The following F2 variants were observed in gnomAD, a reference collection of about 807,000 sequenced individuals.
F2 encodes prothrombin.
A neutral mutation model predicts 81.9 loss-of-function variants in F2; 34 were observed. The ratio of observed to expected loss-of-function variants is 0.42; its 90% CI spans 0.32 to 0.55. The LOEUF is 0.55. F2 is among the 20% of genes least tolerant of loss of function. The pLI is 0.18. For missense variants in F2, 630 were observed against 833.4 expected (o/e 0.76, Z 3.00); for synonymous variants, 296 against 326.4 (o/e 0.91, Z 1.01).
At chr11:46,736,413 A>G (rs949120785) in intron 12 of F2, among the ~76,000 whole-genome samples, 5 of 152,072 alleles carry the variant, frequency 3.3e-5, no homozygotes, top group Admixed American at 6.6e-5. Context: ...GTGAGCCACC[A>G]TACCTGACCT....
rs909904487 is a variant in F2 at position 46,727,873 on chromosome 11, ATCTGGGCCCCG to A, written c.1131-122_1131-112del. 36 of 1,152,612 alleles carry A rather than the reference ATCTGGGCCCCG, an allele frequency of 3.1e-5. No homozygotes were observed. The African/African-American group carries it at 5.4e-4, about 17-fold the overall frequency. 71.4% of individuals were successfully genotyped at this position (1,152,612 alleles called of 1,614,324 possible). ...CCAAAGGCGGCCAGCCCAAGCTTGG[ATCTGGGCCCCG>A]GAGGCAGCTCTGCCCAGCTGGGTTC... On this transcript the variant is annotated intron_variant, in intron 9 of 13. Coordinates refer to ENST00000311907, the MANE Select transcript of F2 (RefSeq NM_000506.5).
At position 46,727,071 on chromosome 11, in the gene F2, C is replaced by T. The variant is rs532750574; in HGVS notation, c.1130+234C>T. Among the ~76,000 whole-genome samples the T allele has an allele frequency of 1.4e-4, 21 of 152,310 alleles. No individual in the cohort carries two copies. The South Asian group carries it at 3.7e-3, about 27-fold the overall frequency. On this transcript the variant is annotated intron_variant, in intron 9 of 13. Transcript: ENST00000311907. ...AGGCTGGAGTGCAGTGCTGCAATCT[C>T]GGCTCACTACCTCGATCTCAGCTCA...
At chr11:46,732,549 C>A (rs1457239919) in intron 12 of F2, among the ~76,000 whole-genome samples, 1 of 151,946 alleles carries the variant, frequency 6.6e-6, no homozygotes, top group Non-Finnish European at 1.5e-5. Context: ...AGGCATGTGC[C>A]ACCACGCCTG....
chr11:46,736,356 C>T (rs3136529), intron 12 of F2, among the ~76,000 whole-genome samples: 3 of 152,222 alleles, frequency 2.0e-5, no homozygotes, highest in Non-Finnish European at 4.4e-5. Context: ...TGGCTGGGCT[C>T]GAGCAAGTCT....
intron 12 of F2, among the ~76,000 whole-genome samples, chr11:46,731,109 G>T (rs3136481): frequency 0.066 from 10,002 of 152,092 alleles, 386 homozygotes; most frequent in Non-Finnish European, 0.089. Flanking sequence ...TAGAGACAGG[G>T]TTTCACCATG....
In F2 at chr11:46,728,253, G is replaced by T; in HGVS notation, c.1298+90G>T. 1 of 1,374,730 alleles carries T rather than the reference G, an allele frequency of 7.3e-7. No individual in the cohort carries two copies. 85.2% of individuals were successfully genotyped at this position (1,374,730 alleles called of 1,614,324 possible). ...GCCCTGGTGGCTCCGGGACACATAG[G>T]ATGTTCTGTATACCCCCCAGAATAT... is the stretch of plus-strand genomic sequence containing the variant. On this transcript the variant is annotated intron_variant, in intron 10 of 13. Transcript: ENST00000311907. This position sits in a 1 kb window ranked among gnomAD's most constrained non-coding sequence, Gnocchi z 5.1.
Position 46,719,241 on chromosome 11 carries a change from G to T in F2, c.6G>T (p.Ala2=), listed in dbSNP as rs748368751. Residue 2 remains alanine, a synonymous_variant, in exon 1 of 14, where the codon GCG becomes GCT. Transcript: ENST00000311907. This position sits in a 1 kb window ranked among gnomAD's most constrained non-coding sequence, Gnocchi z 4.7. M[A]HVRGLQLPGC... ...GACCCAGGAGCTGACACACTATGGC[G>T]CACGTCCGAGGCTTGCAGCTGCCTG... 6.2e-6 allele frequency: 10 copies of T among 1,613,682 alleles called. No homozygotes were observed. Among genetic ancestry groups the T allele is most frequent in the Non-Finnish European group, 8.5e-6 (10 of 1,180,020 alleles).
At position 46,728,741 on chromosome 11, in the gene F2, T is replaced by A; in HGVS notation, c.1376T>A (p.Leu459Gln). The A allele has an allele frequency of 6.2e-7, 1 of 1,614,232 alleles. No individual in the cohort carries two copies. Residue 459 changes from leucine to glutamine, a missense_variant, in exon 11 of 14, where the codon CTG becomes CAG. Coordinates refer to ENST00000311907, the MANE Select transcript of F2 (RefSeq NM_000506.5). The surrounding 1 kb of genome is among the most constrained non-coding windows in gnomAD (Gnocchi z 5.1). ...CCCAGGTACAACTGGCGGGAGAACC[T>A]GGACCGGGACATTGCCCTGATGAAG... ...IHPRYNWREN[L>Q]DRDIALMKLK...
At chr11:46,733,294 C>T (rs1273007688) in intron 12 of F2, among the ~76,000 whole-genome samples, 6 of 152,192 alleles carry the variant, frequency 3.9e-5, no homozygotes, top group Admixed American at 1.3e-4. Context: ...ACCTCTGCCT[C>T]CTGGACTCAA....
rs1316836231 is a variant in F2 at position 46,728,143 on chromosome 11, T to G, written c.1278T>G (p.Ile426Met). 2 of 1,609,626 alleles carry G rather than the reference T, an allele frequency of 1.2e-6. No individual in the cohort carries two copies. The highest frequency in any genetic ancestry group is 2.2e-5 in the East Asian group (1 of 44,810). The change falls in exon 10 of 14, where the codon ATT becomes ATG. Residue 426 changes from isoleucine to methionine, a missense_variant. Physicochemically the swap from Ile to Met is conservative, Grantham distance 10. Coordinates refer to ENST00000311907, the MANE Select transcript of F2 (RefSeq NM_000506.5). This position sits in a 1 kb window ranked among gnomAD's most constrained non-coding sequence, Gnocchi z 5.1. Reference sequence around the variant, plus strand: ...CCGAGAATGACCTTCTGGTGCGCATTGGCAAGCACTCCCGCACCAGGTACA... The same window carrying G: ...CCGAGAATGACCTTCTGGTGCGCATGGGCAAGCACTCCCGCACCAGGTACA... ...NFTENDLLVR[I>M]GKHSRTRYER...
chr11:46,720,875 T>C (rs769448614), intron 4 of F2, 35 bp downstream of exon 4: 4 of 1,612,404 alleles, frequency 2.5e-6, no homozygotes, highest in South Asian at 1.1e-5. Flanking sequence ...GAGCAGGACA[T>C]GGAGGGGAGC....
chr11:46,726,309 G>A lies in F2; in HGVS notation c.874+136G>A, dbSNP rs1468917253. On this transcript the variant is annotated intron_variant, in intron 7 of 13. Coordinates refer to ENST00000311907, the MANE Select transcript of F2 (RefSeq NM_000506.5). This position sits in a 1 kb window ranked among gnomAD's most constrained non-coding sequence, Gnocchi z 5.9. ...CTTACAGTAACCAGGTGGGGGGTAA[G>A]GTCCTGTGCCCATTTCACAGATAAG... 3.5e-6 allele frequency: 5 copies of A among 1,434,208 alleles called. No homozygotes were observed. Among genetic ancestry groups the A allele is most frequent in the Admixed American group, 2.0e-5 (1 of 50,150 alleles). 88.8% of individuals were successfully genotyped at this position (1,434,208 alleles called of 1,614,324 possible).
intron 6 of F2, 43 bp from the exon 7 acceptor site, chr11:46,725,816 T>TG (rs764397628): frequency 8.1e-6 from 13 of 1,602,620 alleles, no homozygotes; most frequent in Non-Finnish European, 1.1e-5. Flanking sequence ...GGTCCATGTG[T>TG]GGTCTCACTC....
Position 46,723,135 on chromosome 11 carries a change from A to G in F2, c.317-45A>G, listed in dbSNP as rs1278526154. 6.4e-7 allele frequency: 1 copy of G among 1,567,916 alleles called. No individual in the cohort carries two copies. Among genetic ancestry groups the G allele is most frequent in the Admixed American group, 1.7e-5 (1 of 59,946 alleles). ...AGACAACTTTGCAGGGAGAGAGGAA[A>G]TAAGTCCCCAGGCTCCAAGGCTGAC... On this transcript the variant is annotated intron_variant, in intron 4 of 13. Transcript: ENST00000311907. This position sits in a 1 kb window ranked among gnomAD's most constrained non-coding sequence, Gnocchi z 5.6.
chr11:46,722,715 A>C (rs1432157027), intron 4 of F2, among the ~76,000 whole-genome samples: 1 of 152,272 alleles, frequency 6.6e-6, no homozygotes. Flanking sequence ...TTCCCAGGAG[A>C]GGCAGAGTTC....
chr11:46,738,305 TG>T (rs1326679846), intron 12 of F2, among the ~76,000 whole-genome samples: 3 of 152,068 alleles, frequency 2.0e-5, no homozygotes, highest in African/African-American at 7.2e-5. Context: ...AGTGAAGGTG[TG>T]GTTTTTTTGT....
At chr11:46,721,844 T>TC (rs979284334) in intron 4 of F2, among the ~76,000 whole-genome samples, 4 of 150,642 alleles carry the variant, frequency 2.7e-5, no homozygotes, top group African/African-American at 9.7e-5. Context: ...TACTTTCATT[T>TC]TTTTTTTTTT....
chr11:46,723,600 A>T lies in F2; in HGVS notation c.559+82A>T. On this transcript the variant is annotated intron_variant, in intron 6 of 13. Coordinates refer to ENST00000311907, the MANE Select transcript of F2 (RefSeq NM_000506.5). The surrounding 1 kb of genome is among the most constrained non-coding windows in gnomAD (Gnocchi z 5.6). Reference sequence around the variant, plus strand: ...TGGCAGCCTGGGATGGGAACCAAGAATACTGGCTACCCAGGCACAGTGGCT... The same window carrying T: ...TGGCAGCCTGGGATGGGAACCAAGATTACTGGCTACCCAGGCACAGTGGCT... 1 of 1,508,614 alleles carries T rather than the reference A, an allele frequency of 6.6e-7. No individual in the cohort carries two copies. Among genetic ancestry groups the T allele is most frequent in the Non-Finnish European group, 9.0e-7 (1 of 1,112,058 alleles). 93.5% of individuals were successfully genotyped at this position (1,508,614 alleles called of 1,614,324 possible). A position where few individuals can be genotyped will look rare whatever the true frequency, so the allele number is the denominator to read the frequency against.
In F2 at chr11:46,719,773, G is replaced by C; in HGVS notation, c.151G>C (p.Val51Leu). ...VRRANTFLEE[V>L]RKGNLERECV... The stretch of plus-strand genomic sequence containing the variant: ...GCGAGCCAACACCTTCTTGGAGGAG[G>C]TGCGCAAGGGCAACCTGGAGCGAGA... The change falls in exon 2 of 14, where the codon GTG becomes CTG. Residue 51 changes from valine to leucine, a missense_variant. By Grantham distance (32) the Val-to-Leu change is conservative. Transcript: ENST00000311907. This position sits in a 1 kb window ranked among gnomAD's most constrained non-coding sequence, Gnocchi z 4.7. The C allele has an allele frequency of 6.3e-7, 1 of 1,598,250 alleles. No individual in the cohort carries two copies. Among genetic ancestry groups the C allele is most frequent in the Non-Finnish European group, 8.5e-7 (1 of 1,173,448 alleles).
Sources: gnomAD v4.1 joint callset for allele counts (sites outside exome capture counted in the v4.1 genomes callset) on GRCh38, gnomAD v4.1.1 for gene constraint, Gnocchi (gnomAD v3.1) non-coding constraint, MANE v1.5 for transcripts, NCBI Gene and HGNC (gene_info 2026-07-23, HGNC 2026-07-21) for gene names.